The following RNF150 variants were observed in gnomAD, a reference collection of about 807,000 sequenced individuals.
RNF150 encodes the protein ring finger protein 150.
Under a neutral mutation model 39.3 loss-of-function variants are expected in RNF150, and 24 were observed. The observed-to-expected ratio is 0.61, with a 90% confidence interval of 0.44 to 0.86. The LOEUF (loss-of-function observed/expected upper bound fraction) is 0.86, where lower values mean the gene tolerates loss of function less well. Ranked by LOEUF, RNF150 falls within the 40% of genes least tolerant of loss-of-function variation. RNF150 has a pLI of 0.00. For synonymous variants in RNF150, 255 were observed against 227.3 expected, an observed-to-expected ratio of 1.12 and a Z score of -1.10; for missense variants, 502 against 587.8, an observed-to-expected ratio of 0.85 and a Z score of 1.51.
At chr4:141,186,918 C>T (rs760903092) in intron 1 of RNF150, among the ~76,000 whole-genome samples, 66 of 151,468 alleles carry the variant, frequency 4.4e-4, no homozygotes, top group Admixed American at 5.9e-4. Context: ...TTTGCTCTTG[C>T]TTCTCTAGTT....
At chr4:141,145,646 TA>T in intron 1 of RNF150, among the ~76,000 whole-genome samples, 1 of 152,196 alleles carries the variant, frequency 6.6e-6, no homozygotes, top group East Asian at 1.9e-4. Flanking sequence ...ATGGCTACAT[TA>T]AACTGAAAAA....
chr4:141,162,628 T>C, intron 1 of RNF150, among the ~76,000 whole-genome samples: 1 of 151,762 alleles, frequency 6.6e-6, no homozygotes, highest in East Asian at 1.9e-4. Context: ...TTGGGACTGG[T>C]TAGAGAGTGG....
chr4:140,980,548 T>C (rs1474602764), intron 1 of RNF150, among the ~76,000 whole-genome samples: 1 of 152,124 alleles, frequency 6.6e-6, no homozygotes, highest in African/African-American at 2.4e-5. Flanking sequence ...ATAGTTCCCA[T>C]AGTCCCCATG....
chr4:140,955,556 T>C (rs1463085177), intron 2 of RNF150, among the ~76,000 whole-genome samples: 1 of 152,154 alleles, frequency 6.6e-6, no homozygotes, highest in Non-Finnish European at 1.5e-5. Flanking sequence ...CACAAAAGAA[T>C]AGGGAGACAA....
chr4:141,211,255 A>T (rs1199129928), intron 1 of RNF150, among the ~76,000 whole-genome samples: 1 of 152,200 alleles, frequency 6.6e-6, no homozygotes, highest in Non-Finnish European at 1.5e-5. Flanking sequence ...ACAGTAGCAA[A>T]TCACATTTAT....
At chr4:141,167,976 T>C (rs1426968057) in intron 1 of RNF150, among the ~76,000 whole-genome samples, 3 of 151,970 alleles carry the variant, frequency 2.0e-5, no homozygotes, top group Non-Finnish European at 4.4e-5. Flanking sequence ...TTCTGCACAG[T>C]AAAAGAAATC....
chr4:140,949,319 G>A lies in RNF150; in HGVS notation c.789C>T (p.Thr263=). The A allele has an allele frequency of 6.8e-6, 11 of 1,611,864 alleles. No individual in the cohort carries two copies. Among genetic ancestry groups the A allele is most frequent in the Middle Eastern group, 3.3e-4 (2 of 6,054 alleles). The change falls in exon 3 of 7, where the codon ACC becomes ACT. Residue 263 remains threonine (T), a synonymous_variant. Coordinates refer to ENST00000515673, the MANE Select transcript of RNF150 (RefSeq NM_020724.2). ...CTATTACCTTGTCACCCTTCTTGAT[G>A]GTCCTGATCTGGAGTTTGCTGATGG... ...KKAISKLQIR[T]IKKGDKETES...
At chr4:141,171,170 G>A (rs1727711148) in intron 1 of RNF150, among the ~76,000 whole-genome samples, 1 of 152,154 alleles carries the variant, frequency 6.6e-6, no homozygotes, top group African/African-American at 2.4e-5. Flanking sequence ...TGTAAAAGAA[G>A]GAGGCTTAGA....
rs143232941 is a variant in RNF150, at chr4:140,950,018, T to C, written c.736-646A>G. Among the ~76,000 whole-genome samples the C allele has an allele frequency of 5.8e-3, 876 of 152,316 alleles. 12 individuals are homozygous for C. Among genetic ancestry groups the C allele is most frequent in the Middle Eastern group, 0.01 (3 of 294 alleles). ...TGTCAAGAAATAATATATCATTCTC[T>C]CCCCATTTTTGGTAGAGAAAATTAC... On this transcript the variant is annotated intron_variant, in intron 2 of 6. Coordinates refer to ENST00000515673, the MANE Select transcript of RNF150 (RefSeq NM_020724.2).
chr4:140,885,936 T>C (rs1265212828), intron 6 of RNF150, among the ~76,000 whole-genome samples: 1 of 152,118 alleles, frequency 6.6e-6, no homozygotes, highest in Non-Finnish European at 1.5e-5. Flanking sequence ...CTAAGAAGTA[T>C]GTACATCTCT....
Position 141,132,513 on chromosome 4 carries a change from C to A in RNF150, c.296G>T (p.Arg99Leu), listed in dbSNP as rs974188903. Residue 99 changes from arginine to leucine, a missense_variant, in exon 1 of 7, where the codon CGC becomes CTC. By Grantham distance (102) the Arg-to-Leu change is moderately radical. Transcript: ENST00000515673. This position sits in a 1 kb window ranked among gnomAD's most constrained non-coding sequence, Gnocchi z 4.9. ...CTTGGTGTTGGGGTCGCAGGCCAGG[C>A]GGTCGTGGGCCGAGCTGGCCATGAC... ...EVVMASSAHD[R>L]LACDPNTKFA... 12 of 1,603,712 alleles carry A rather than the reference C, an allele frequency of 7.5e-6. No individual in the cohort carries two copies. The African/African-American group carries it at 9.4e-5, about 13-fold the overall frequency.
At chr4:140,880,045 A>T (rs374075723) in intron 6 of RNF150, among the ~76,000 whole-genome samples, 1 of 152,004 alleles carries the variant, frequency 6.6e-6, no homozygotes, top group African/African-American at 2.4e-5. Flanking sequence ...GTTTAATAGA[A>T]GTGGTAAGAG....
At chr4:141,006,250 A>G (rs557557165) in intron 1 of RNF150, among the ~76,000 whole-genome samples, 202 of 149,608 alleles carry the variant, frequency 1.4e-3, no homozygotes, top group African/African-American at 4.6e-3. Flanking sequence ...ATATATATAC[A>G]TACATATATA....
At position 141,181,546 on chromosome 4, in the gene RNF150, C is replaced by A. The variant is rs1560770905; in HGVS notation, c.-6+31248G>T. On this transcript the variant is annotated intron_variant, in intron 1 of 7. Coordinates refer to the RNF150 transcript ENST00000420921. ...CTGCAGCTCTGCTTTTTGTTTGCTT[C>A]TTTGATTGGGCACGAGAAATCACTC... Among the ~76,000 whole-genome samples the A allele has an allele frequency of 2.6e-5, 4 of 152,124 alleles. No homozygotes were observed. The South Asian group carries it at 8.3e-4, about 32-fold the overall frequency.
chr4:141,204,507 G>C (rs938783588), intron 1 of RNF150, among the ~76,000 whole-genome samples: 6 of 152,096 alleles, frequency 3.9e-5, no homozygotes, highest in African/African-American at 1.4e-4. Context: ...CACTAAAGAA[G>C]TACAAATATT....
intron 1 of RNF150, among the ~76,000 whole-genome samples, chr4:141,056,839 A>G (rs1736992782): frequency 2.0e-5 from 3 of 151,820 alleles, no homozygotes; most frequent in Non-Finnish European, 4.4e-5. Context: ...CTTACTCCTC[A>G]TTCTTGTAGT....
chr4:141,135,909 A>G (rs1006343729), upstream of RNF150, among the ~76,000 whole-genome samples: 3 of 152,186 alleles, frequency 2.0e-5, no homozygotes, highest in African/African-American at 4.8e-5. Flanking sequence ...CTCCTTATGA[A>G]ATGCACTGGA....
intron 6 of RNF150, among the ~76,000 whole-genome samples, chr4:140,897,120 C>T (rs949793676): frequency 3.9e-5 from 6 of 152,168 alleles, no homozygotes; most frequent in African/African-American, 1.4e-4. Context: ...CAAGCACACA[C>T]AATTGCACTT....
At chr4:140,925,705 C>T (rs938621956) in intron 5 of RNF150, among the ~76,000 whole-genome samples, 1 of 152,166 alleles carries the variant, frequency 6.6e-6, no homozygotes, top group Non-Finnish European at 1.5e-5. Context: ...TCCCATGCTG[C>T]AGCCCAGAAG....
Sources: gnomAD v4.1 joint callset for allele counts (sites outside exome capture counted in the v4.1 genomes callset) on GRCh38, gnomAD v4.1.1 for gene constraint, Gnocchi (gnomAD v3.1) non-coding constraint, MANE v1.5 for transcripts, NCBI Gene and HGNC (gene_info 2026-07-23, HGNC 2026-07-21) for gene names.